The following LIPA variants were observed in gnomAD, a reference collection of about 807,000 sequenced individuals.
LIPA encodes the protein lipase A, lysosomal acid type, also known as lysosomal acid lipase/cholesteryl ester hydrolase.
LIPA carries 26 observed loss-of-function variants against 40.6 expected under a neutral mutation model. That is an observed-to-expected ratio of 0.64 (90% CI 0.47 to 0.89). The LOEUF (loss-of-function observed/expected upper bound fraction) is 0.89, where lower values mean the gene tolerates loss of function less well. Among genes scored for constraint, LIPA ranks in the 40% least tolerant of loss-of-function variants. The pLI, the probability that LIPA is intolerant of heterozygous loss-of-function variation, is 0.00. For synonymous variants in LIPA, 188 were observed against 168.4 expected, an observed-to-expected ratio of 1.12 and a Z score of -0.90; for missense variants, 455 against 479.6, an observed-to-expected ratio of 0.95 and a Z score of 0.48.
At chr10:89,302,118 G>GCAAC in intron 1 of LIPA, 1 of 1,613,964 alleles carries the variant, frequency 6.2e-7, no homozygotes, top group Non-Finnish European at 8.5e-7. Context: ...GAATTGCACT[G>GCAAC]CAACCATGAG....
chr10:89,291,522 A>G (rs1448063743), intron 1 of LIPA, among the ~76,000 whole-genome samples: 3 of 152,088 alleles, frequency 2.0e-5, no homozygotes, highest in Admixed American at 2.0e-4. Context: ...CATGATACAC[A>G]TGAGTTATAT....
chr10:89,247,379 CAAAAAAAAAAAA>C (rs71022556), intron 2 of LIPA, among the ~76,000 whole-genome samples, 147 bp downstream of exon 2: 9 of 75,440 alleles, frequency 1.2e-4, no homozygotes, highest in East Asian at 8.3e-4. Flanking sequence ...GACTCTGCCT[CAAAAAAAAAAAA>C]AAAAAAAAAA....
chr10:89,325,004 T>A (rs1379303398), intron 1 of LIPA, among the ~76,000 whole-genome samples: 1 of 152,242 alleles, frequency 6.6e-6, no homozygotes, highest in African/African-American at 2.4e-5. Flanking sequence ...TATACCTATG[T>A]AACAAACCTG....
In LIPA at chr10:89,376,187, TAAAAAAAAAA is replaced by T. The variant is rs66954730; in HGVS notation, c.61+36594_61+36603del. On this transcript the variant is annotated intron_variant, in intron 2 of 8. Coordinates refer to the LIPA transcript ENST00000371837. ...TAGGTGATACAGCGAGACTCTATCT[TAAAAAAAAAA>T]AAAAAAAAAAAAGAAGAAGAAGTCA... Among the ~76,000 whole-genome samples, 41 of 102,530 alleles carry T rather than the reference TAAAAAAAAAA, an allele frequency of 4.0e-4. No homozygotes were observed. In the East Asian group the frequency reaches 5.1e-3, roughly 13 times the overall value. 67.3% of individuals were successfully genotyped at this position (102,530 alleles called of 152,430 possible). A position where few individuals can be genotyped will look rare whatever the true frequency, so the allele number is the denominator to read the frequency against.
upstream of LIPA, among the ~76,000 whole-genome samples, chr10:89,347,118 A>G (rs1312899660): frequency 2.0e-5 from 3 of 152,244 alleles, no homozygotes; most frequent in African/African-American, 7.2e-5. Flanking sequence ...AAGCCTTATT[A>G]TAACAAAAGT....
At chr10:89,347,772 T>A (rs1418940267) in intron 2 of LIPA, among the ~76,000 whole-genome samples, 1 of 152,166 alleles carries the variant, frequency 6.6e-6, no homozygotes, top group Non-Finnish European at 1.5e-5. Context: ...TTTAACCTGG[T>A]GGCACATCAC....
chr10:89,271,755 C>A (rs1201709782), intron 1 of LIPA, among the ~76,000 whole-genome samples: 1 of 152,162 alleles, frequency 6.6e-6, no homozygotes, highest in Non-Finnish European at 1.5e-5. Context: ...TAATATGGAA[C>A]AGGTGGTAAA....
chr10:89,393,238 C>A (rs1844284093), intron 2 of LIPA: 1 of 1,289,728 alleles, frequency 7.8e-7, no homozygotes, highest in Non-Finnish European at 1.0e-6. Flanking sequence ...CCATAGGCTT[C>A]TGGTCTCACT....
intron 2 of LIPA, chr10:89,392,717 G>C: frequency 6.2e-7 from 1 of 1,613,996 alleles, no homozygotes; most frequent in East Asian, 2.2e-5. Flanking sequence ...GCAACCATGA[G>C]GTAAGGATTT....
Position 89,318,946 on chromosome 10 carries a change from C to T in LIPA, c.-2+23665G>A, listed in dbSNP as rs369850106. Among the ~76,000 whole-genome samples, 20 of 152,196 alleles carry T rather than the reference C, an allele frequency of 1.3e-4. 1 individual carries two copies. Among genetic ancestry groups the T allele is most frequent in the Middle Eastern group, 3.2e-3 (1 of 316 alleles). The stretch of plus-strand genomic sequence containing the variant: ...GCTCAACTACATGGAAACTGAACAA[C>T]GTGCTCCTGAATGACTACTGGGTAC... On this transcript the variant is annotated intron_variant, in intron 1 of 5. Coordinates refer to the LIPA transcript ENST00000282673.
chr10:89,306,167 C>T, intron 1 of LIPA: 2 of 1,614,132 alleles, frequency 1.2e-6, no homozygotes, highest in Non-Finnish European at 1.7e-6. Flanking sequence ...CGAGGCAGCC[C>T]TGGAATGCTT....
intron 1 of LIPA, among the ~76,000 whole-genome samples, chr10:89,273,576 G>A (rs574195935): frequency 2.6e-5 from 4 of 152,192 alleles, no homozygotes; most frequent in Non-Finnish European, 5.9e-5. Flanking sequence ...GTTGTGCTGA[G>A]AAAAATATTG....
intron 1 of LIPA, among the ~76,000 whole-genome samples, chr10:89,304,295 GT>G (rs10708690): frequency 0.39 from 58,536 of 151,926 alleles, 13,608 homozygotes; most frequent in African/African-American, 0.66. Flanking sequence ...GCTTGGCTTG[GT>G]TATCAGGCAT....
At position 89,214,265 on chromosome 10, in the gene LIPA, T is replaced by A. The variant is rs911126486; in HGVS notation, c.*563A>T. ...CAGTTAGGTTTGATAAAATTAATTG[T>A]TAGCATCCTTATTACTGGCACAGCT... On this transcript the variant is annotated 3_prime_UTR_variant, in exon 10 of 10. Coordinates refer to ENST00000336233, the MANE Select transcript of LIPA (RefSeq NM_000235.4). 9 of 151,884 alleles carry A rather than the reference T, an allele frequency of 5.9e-5. No homozygotes were observed. Among genetic ancestry groups the A allele is most frequent in the Admixed American group, 4.6e-4 (7 of 15,294 alleles). The allele number at this position is 151,884 out of a possible 1,614,324, so 9.4% of individuals were successfully genotyped here.
intron 2 of LIPA, among the ~76,000 whole-genome samples, chr10:89,399,051 A>T (rs879904352): frequency 3.4e-4 from 49 of 143,832 alleles, no homozygotes; most frequent in East Asian, 6.4e-4. Context: ...CTTTTTTTTT[A>T]AAATAATAGC....
upstream of LIPA, chr10:89,414,653 G>A (rs1841510302): frequency 2.5e-6 from 2 of 794,528 alleles, no homozygotes; most frequent in Non-Finnish European, 1.8e-6. Flanking sequence ...AAGACACGCC[G>A]CGCGGCCGAG....
chr10:89,366,567 T>G (rs1014593399), intron 2 of LIPA, among the ~76,000 whole-genome samples: 1 of 152,004 alleles, frequency 6.6e-6, no homozygotes, highest in East Asian at 1.9e-4. Flanking sequence ...AACAGACACA[T>G]GAAAAAATGC....
At chr10:89,332,949 T>C (rs4630205) in intron 1 of LIPA, among the ~76,000 whole-genome samples, 49,083 of 152,050 alleles carry the variant, frequency 0.32, 9,083 homozygotes, top group African/African-American at 0.5. Context: ...TACTGGAGGT[T>C]CTGGTTCGTC....
At chr10:89,330,160 T>A (rs1843635838) in intron 1 of LIPA, among the ~76,000 whole-genome samples, 1 of 152,204 alleles carries the variant, frequency 6.6e-6, no homozygotes, top group Non-Finnish European at 1.5e-5. Flanking sequence ...TGGCTTAGCT[T>A]GGGCTCAGAG....
Sources: allele counts gnomAD v4.1 joint callset (sites outside exome capture counted in the v4.1 genomes callset), GRCh38; gene constraint gnomAD v4.1.1; transcripts MANE v1.5; gene names NCBI Gene and HGNC (gene_info 2026-07-23, HGNC 2026-07-21).